DTNB: variants seen among roughly 807,000 people sequenced by gnomAD.
DTNB encodes DTN-B.
A neutral mutation model predicts 90.7 loss-of-function variants in DTNB; 63 were observed. The observed-to-expected ratio is 0.69, with a 90% CI of 0.57 to 0.86. DTNB has a LOEUF of 0.86. DTNB is among the 40% of genes least tolerant of loss of function. DTNB has a pLI of 0.00. For missense variants in DTNB, 744 were observed against 807.1 expected (o/e 0.92, Z 0.95); for synonymous variants, 277 against 286.7 (o/e 0.97, Z 0.34).
chr2:25,582,191 A>AAT (rs1281703586), intron 6 of DTNB, among the ~76,000 whole-genome samples: 1 of 152,186 alleles, frequency 6.6e-6, no homozygotes, highest in African/African-American at 2.4e-5. Context: ...TACCACTAAA[A>AAT]ATATATATAT....
chr2:25,647,248 T>C (rs1445978899), intron 2 of DTNB, among the ~76,000 whole-genome samples: 1 of 152,202 alleles, frequency 6.6e-6, no homozygotes, highest in Non-Finnish European at 1.5e-5. Flanking sequence ...TAAAGGTACA[T>C]GCATCCAAGA....
chr2:25,551,891 A>G (rs2056345564), intron 8 of DTNB, among the ~76,000 whole-genome samples: 1 of 152,244 alleles, frequency 6.6e-6, no homozygotes, highest in Non-Finnish European at 1.5e-5. Context: ...TAATGTACTA[A>G]GGAATACTTC....
chr2:25,514,740 G>C (rs1174841151), intron 9 of DTNB, among the ~76,000 whole-genome samples: 1 of 138,856 alleles, frequency 7.2e-6, no homozygotes, highest in African/African-American at 2.8e-5. Flanking sequence ...CCACGCTGGA[G>C]TGCAGTGGCT....
intron 9 of DTNB, among the ~76,000 whole-genome samples, chr2:25,494,801 C>T (rs183752539): frequency 1.3e-5 from 2 of 152,190 alleles, no homozygotes; most frequent in Admixed American, 1.3e-4. Flanking sequence ...AGTCACTTGC[C>T]TACTCTGGCA....
chr2:25,465,388 AG>A (rs1284472764), intron 10 of DTNB, among the ~76,000 whole-genome samples: 2 of 151,458 alleles, frequency 1.3e-5, no homozygotes, highest in African/African-American at 4.9e-5. Context: ...AAAAAAAAAA[AG>A]AAAGAAAAGA....
intron 4 of DTNB, among the ~76,000 whole-genome samples, chr2:25,617,619 G>A (rs1030085137): frequency 1.3e-5 from 2 of 152,128 alleles, no homozygotes; most frequent in African/African-American, 4.8e-5. Context: ...GAAGCCAGGC[G>A]TCGTGGTTCA....
chr2:25,628,426 T>C (rs1231393229), intron 3 of DTNB, 42 bp from the exon 4 acceptor site: 2 of 1,565,200 alleles, frequency 1.3e-6, no homozygotes, highest in Non-Finnish European at 1.7e-6. Context: ...TTTTAAAGTG[T>C]GGTACTACCC....
intron 16 of DTNB, among the ~76,000 whole-genome samples, chr2:25,405,223 T>C (rs369555642): frequency 6.6e-6 from 1 of 152,166 alleles, no homozygotes; most frequent in Non-Finnish European, 1.5e-5. Context: ...CTACCATGCC[T>C]GGCCCGACTA....
chr2:25,433,758 A>C (rs868198663), intron 13 of DTNB, among the ~76,000 whole-genome samples, 152 bp downstream of exon 13: 30 of 152,164 alleles, frequency 2.0e-4, no homozygotes, highest in African/African-American at 6.8e-4. Flanking sequence ...ATCAGCGTCC[A>C]GGGCATTCCC....
intron 6 of DTNB, among the ~76,000 whole-genome samples, chr2:25,592,293 G>C (rs2063731435): frequency 6.6e-6 from 1 of 151,912 alleles, no homozygotes; most frequent in Non-Finnish European, 1.5e-5. Flanking sequence ...GAGCACTCCT[G>C]AAAAGTCTTA....
At chr2:25,452,436 G>A (rs1052321878) in intron 11 of DTNB, among the ~76,000 whole-genome samples, 2 of 152,206 alleles carry the variant, frequency 1.3e-5, no homozygotes, top group Admixed American at 6.5e-5. Context: ...AATAGGGACT[G>A]TGGCTATATA....
At chr2:25,408,538 C>CAAAAAAAAAAAAAAAAAAAAAAAAAAA (rs11395783) in intron 16 of DTNB, among the ~76,000 whole-genome samples, 2 of 32,732 alleles carry the variant, frequency 6.1e-5, no homozygotes, top group African/African-American at 1.9e-4. Flanking sequence ...GACTCCATCT[C>CAAAAAAAAAAAAAAAAAAAAAAAAAAA]AAAAAAAAAA....
intron 9 of DTNB, among the ~76,000 whole-genome samples, chr2:25,496,074 G>A: frequency 6.6e-6 from 1 of 152,102 alleles, no homozygotes; most frequent in East Asian, 1.9e-4. Context: ...ACATGGAGAG[G>A]AAGCCAAATA....
At chr2:25,435,300 T>C (rs1260370341) in intron 12 of DTNB, among the ~76,000 whole-genome samples, 1 of 152,160 alleles carries the variant, frequency 6.6e-6, no homozygotes, top group Non-Finnish European at 1.5e-5. Context: ...GGATTACAGG[T>C]GTGAGCCATC....
At chr2:25,404,402 T>A (rs2044515679) in intron 16 of DTNB, among the ~76,000 whole-genome samples, 1 of 151,946 alleles carries the variant, frequency 6.6e-6, no homozygotes, top group East Asian at 1.9e-4. Context: ...GGAAAGTGCA[T>A]GACTGAGGCA....
chr2:25,463,412 A>G (rs2061317935), intron 10 of DTNB, among the ~76,000 whole-genome samples: 1 of 152,148 alleles, frequency 6.6e-6, no homozygotes, highest in South Asian at 2.1e-4. Context: ...CACTGCCCCA[A>G]TAGCCTCTTG....
At chr2:25,539,282 C>T (rs1399783649) in intron 8 of DTNB, among the ~76,000 whole-genome samples, 4 of 152,132 alleles carry the variant, frequency 2.6e-5, no homozygotes, top group African/African-American at 7.2e-5. Flanking sequence ...CATAGTGTTA[C>T]GCGCATTCAA....
intron 10 of DTNB, among the ~76,000 whole-genome samples, chr2:25,478,936 G>A (rs866950675): frequency 1.3e-5 from 2 of 152,196 alleles, no homozygotes; most frequent in African/African-American, 4.8e-5. Context: ...GATGGCACAC[G>A]GAGAGAGGCA....
At chr2:25,532,924 C>A (rs1033520138) in intron 8 of DTNB, among the ~76,000 whole-genome samples, 6 of 152,144 alleles carry the variant, frequency 3.9e-5, no homozygotes, top group African/African-American at 1.4e-4. Context: ...CATATAGGCA[C>A]AGTTAATGAA....
Sources: gnomAD v4.1 joint callset for allele counts (sites outside exome capture counted in the v4.1 genomes callset) on GRCh38, gnomAD v4.1.1 for gene constraint, MANE v1.5 for transcripts, NCBI Gene and HGNC (gene_info 2026-07-23, HGNC 2026-07-21) for gene names.